Variants in NR3C2 observed in about 807,000 individuals in gnomAD.
NR3C2 encodes the protein mineralocorticoid receptor.
A neutral mutation model predicts 86.4 loss-of-function variants in NR3C2; 15 were observed. The ratio of observed to expected loss-of-function variants is 0.17; its 90% CI spans 0.12 to 0.27. NR3C2 has a LOEUF of 0.27. NR3C2 is among the 10% of genes least tolerant of loss of function. The pLI is 1.00. For synonymous variants in NR3C2, 458 were observed against 450.5 expected (o/e 1.02, Z -0.21); for missense variants, 960 against 1,195.6 (o/e 0.80, Z 2.91).
chr4:148,421,795 T>C (rs973959971), intron 2 of NR3C2, among the ~76,000 whole-genome samples: 1 of 152,230 alleles, frequency 6.6e-6, no homozygotes, highest in African/African-American at 2.4e-5. Context: ...TCACAGAGGC[T>C]AGGCCATGTT....
At chr4:148,320,083 T>A (rs916693917) in intron 2 of NR3C2, among the ~76,000 whole-genome samples, 3 of 124,266 alleles carry the variant, frequency 2.4e-5, no homozygotes, top group African/African-American at 3.7e-5. Flanking sequence ...GTTTTTAGCA[T>A]GAATGGTTGT....
intron 2 of NR3C2, among the ~76,000 whole-genome samples, chr4:148,347,091 A>G (rs546086548): frequency 1.3e-5 from 2 of 152,176 alleles, no homozygotes; most frequent in Non-Finnish European, 2.9e-5. Context: ...GCCACGTAAG[A>G]AAAGCACTGC....
At chr4:148,324,574 A>G (rs1289107265) in intron 2 of NR3C2, among the ~76,000 whole-genome samples, 1 of 152,160 alleles carries the variant, frequency 6.6e-6, no homozygotes, top group Non-Finnish European at 1.5e-5. Context: ...ACTTTCAGTT[A>G]TAAGATAAAT....
intron 6 of NR3C2, among the ~76,000 whole-genome samples, chr4:148,150,976 T>C (rs1470769103): frequency 6.6e-6 from 1 of 152,118 alleles, no homozygotes; most frequent in Non-Finnish European, 1.5e-5. Context: ...ATTCATAGAC[T>C]AGAGGTTACC....
At chr4:148,211,351 T>G (rs893911146) in intron 3 of NR3C2, among the ~76,000 whole-genome samples, 1 of 152,246 alleles carries the variant, frequency 6.6e-6, no homozygotes, top group African/African-American at 2.4e-5. Flanking sequence ...AAAGCCAAAC[T>G]GTGATCACAC....
At chr4:148,231,734 A>G (rs1738472571) in intron 3 of NR3C2, among the ~76,000 whole-genome samples, 1 of 152,166 alleles carries the variant, frequency 6.6e-6, no homozygotes, top group South Asian at 2.1e-4. Context: ...GGTTCTCTGT[A>G]GCATGTAATA....
chr4:148,410,899 G>C (rs1465388287), intron 2 of NR3C2, among the ~76,000 whole-genome samples: 1 of 152,150 alleles, frequency 6.6e-6, no homozygotes, highest in African/African-American at 2.4e-5. Context: ...ACTACTGTCA[G>C]GGTTCAGATA....
Position 148,297,262 on chromosome 4 carries a change from T to A in NR3C2, c.1758-37145A>T, listed in dbSNP as rs377519692. Among the ~76,000 whole-genome samples the A allele has an allele frequency of 3.9e-5, 6 of 152,372 alleles. No homozygotes were observed. The East Asian group carries it at 9.6e-4, about 24-fold the overall frequency. Reference sequence around the variant, plus strand: ...TTTCCATATTAAATGTGAGAATGGATCATAGTTGCCTAGTTATTTTTCAAA... The same window carrying A: ...TTTCCATATTAAATGTGAGAATGGAACATAGTTGCCTAGTTATTTTTCAAA... On this transcript the variant is annotated intron_variant, in intron 2 of 8. Transcript: ENST00000358102.
At chr4:148,387,137 C>T (rs530045973) in intron 2 of NR3C2, among the ~76,000 whole-genome samples, 1 of 152,264 alleles carries the variant, frequency 6.6e-6, no homozygotes, top group South Asian at 2.1e-4. Flanking sequence ...GCTCTTTAAG[C>T]GGATTTGACT....
At chr4:148,164,924 C>T (rs544488907) in intron 4 of NR3C2, among the ~76,000 whole-genome samples, 46 of 152,224 alleles carry the variant, frequency 3.0e-4, no homozygotes, top group South Asian at 2.9e-3. Context: ...ACTAGTTAAA[C>T]GCTGGAACCT....
At chr4:148,296,718 T>A (rs1742074127) in intron 2 of NR3C2, among the ~76,000 whole-genome samples, 1 of 152,148 alleles carries the variant, frequency 6.6e-6, no homozygotes, top group South Asian at 2.1e-4. Flanking sequence ...GCAGAACAAA[T>A]GTTTTTATGG....
intron 6 of NR3C2, among the ~76,000 whole-genome samples, chr4:148,147,737 C>G (rs1328962960): frequency 6.6e-6 from 1 of 152,174 alleles, no homozygotes; most frequent in African/African-American, 2.4e-5. Context: ...CACAAAATGC[C>G]AGATTGCTGC....
chr4:148,194,538 G>C (rs1736351260), intron 4 of NR3C2, among the ~76,000 whole-genome samples: 1 of 151,922 alleles, frequency 6.6e-6, no homozygotes, highest in Admixed American at 6.6e-5. Context: ...AAATTCACTA[G>C]AACTATAGCC....
chr4:148,121,366 C>G (rs1173954026), intron 6 of NR3C2, among the ~76,000 whole-genome samples: 1 of 152,182 alleles, frequency 6.6e-6, no homozygotes, highest in Admixed American at 6.5e-5. Flanking sequence ...CACATGTTCT[C>G]TGCATTACTG....
chr4:148,425,936 A>T (rs976246646), intron 2 of NR3C2, among the ~76,000 whole-genome samples: 2 of 152,178 alleles, frequency 1.3e-5, no homozygotes, highest in African/African-American at 4.8e-5. Flanking sequence ...CTCACAGTTA[A>T]ATATTTAACT....
chr4:148,429,679 C>G (rs17024718), intron 2 of NR3C2, among the ~76,000 whole-genome samples: 8,667 of 152,246 alleles, frequency 0.057, 807 homozygotes, highest in African/African-American at 0.19. Context: ...AAATCCTATA[C>G]TTCACAAGTT....
chr4:148,264,649 GCA>G (rs1740287994), intron 2 of NR3C2, among the ~76,000 whole-genome samples: 1 of 152,010 alleles, frequency 6.6e-6, no homozygotes, highest in Non-Finnish European at 1.5e-5. Flanking sequence ...ATAATTCTCA[GCA>G]AAAAGAGGTT....
In NR3C2 at chr4:148,422,083, A is replaced by C. The variant is rs72658665; in HGVS notation, c.1757+13021T>G. 8.2e-4 allele frequency among the ~76,000 whole-genome samples: 125 copies of C among 152,074 alleles called. 1 individual carries two copies. The highest frequency in any genetic ancestry group is 2.8e-3 in the African/African-American group (117 of 41,488). ...TATGCTTATAACTCCTCCTTCCTCT[A>C]CTCTAGGAATCCATTAATTTTTTCA... is the stretch of plus-strand genomic sequence containing the variant. On this transcript the variant is annotated intron_variant, in intron 2 of 8. Transcript: ENST00000358102.
At chr4:148,130,886 C>T (rs912063667) in intron 6 of NR3C2, among the ~76,000 whole-genome samples, 3 of 143,162 alleles carry the variant, frequency 2.1e-5, no homozygotes, top group Non-Finnish European at 3.0e-5. Flanking sequence ...TGCAGTGGCA[C>T]GATCTCGGCT....
Sources: gnomAD v4.1 joint callset for allele counts (sites outside exome capture counted in the v4.1 genomes callset) on GRCh38, gnomAD v4.1.1 for gene constraint, MANE v1.5 for transcripts, NCBI Gene and HGNC (gene_info 2026-07-23, HGNC 2026-07-21) for gene names.